Variants in FARP1 observed in about 807,000 individuals in gnomAD.
The protein encoded by FARP1 is FERM, ARHGEF and pleckstrin domain-containing protein 1.
FARP1 carries 52 observed loss-of-function variants against 128.8 expected under a neutral mutation model. The ratio of observed to expected loss-of-function variants is 0.40; its 90% CI spans 0.32 to 0.51. FARP1 has a LOEUF of 0.51. Ranked by LOEUF, FARP1 falls within the 20% of genes least tolerant of loss-of-function variation. The probability of loss-of-function intolerance (pLI) is 0.45; values close to 1 mark genes in which losing one functional copy is unlikely to be tolerated. For synonymous variants in FARP1, 580 were observed against 551.8 expected (o/e 1.05, Z -0.72); for missense variants, 1,333 against 1,367.9 (o/e 0.97, Z 0.40).
At chr13:98,253,958 G>C (rs796979078) in intron 2 of FARP1, among the ~76,000 whole-genome samples, 30 of 152,242 alleles carry the variant, frequency 2.0e-4, no homozygotes, top group African/African-American at 7.0e-4. Flanking sequence ...GGGCAGTTTT[G>C]GCTCTTCATA....
intron 5 of FARP1, among the ~76,000 whole-genome samples, chr13:98,376,094 G>A (rs552812825): frequency 6.6e-6 from 1 of 152,216 alleles, no homozygotes; most frequent in Admixed American, 6.5e-5. Flanking sequence ...GCGGGGCAGG[G>A]GGTGGTATCT....
rs140647297 is a variant in FARP1 at position 98,226,067 on chromosome 13, C to T, written c.171+12654C>T. The stretch of plus-strand genomic sequence containing the variant: ...TTGACATTTGTTGAATTATGGAGTA[C>T]GAGTTCGCTAGCACTGCTATAACAA... On this transcript the variant is annotated intron_variant, in intron 2 of 26. Coordinates refer to ENST00000319562, the MANE Select transcript of FARP1 (RefSeq NM_005766.4). 5.3e-4 allele frequency among the ~76,000 whole-genome samples: 81 copies of T among 152,274 alleles called. No individual in the cohort carries two copies. In the East Asian group the frequency reaches 0.013, roughly 25 times the overall value.
chr13:98,212,521 A>G (rs1454019575), intron 1 of FARP1, among the ~76,000 whole-genome samples: 1 of 151,338 alleles, frequency 6.6e-6, no homozygotes, highest in Non-Finnish European at 1.5e-5. Context: ...ACAAGAGTAG[A>G]CTATCTGGGG....
rs776033015 is a variant in FARP1 at position 98,246,918 on chromosome 13, T to C, written c.171+33505T>C. ...ACACAGAACCGAGGGCTGGAACTCC[T>C]GTGTTTAAGAAGGCAGCTGTTCCTT... On this transcript the variant is annotated intron_variant, in intron 2 of 26. Transcript: ENST00000319562. 4.0e-4 allele frequency among the ~76,000 whole-genome samples: 61 copies of C among 152,214 alleles called. 1 individual carries two copies. Among genetic ancestry groups the C allele is most frequent in the Admixed American group, 2.0e-4 (3 of 15,288 alleles).
intron 2 of FARP1, among the ~76,000 whole-genome samples, chr13:98,225,278 T>A (rs1258514950): frequency 1.3e-5 from 2 of 152,164 alleles, no homozygotes; most frequent in African/African-American, 4.8e-5. Context: ...TTGACTTGAT[T>A]TCAGTTGCAT....
rs535797276 is a variant in FARP1 at position 98,201,267 on chromosome 13, A to G, written c.-23-11953A>G. Among the ~76,000 whole-genome samples, 10 of 152,152 alleles carry G rather than the reference A, an allele frequency of 6.6e-5. No individual in the cohort carries two copies. The East Asian group carries it at 1.9e-3, about 29-fold the overall frequency. ...AGACCAGCCTGGCTAACATAACCAGACTCTTTCACTACAAAAATTAAAAAC... is the reference window on the plus strand; with the variant it reads ...AGACCAGCCTGGCTAACATAACCAGGCTCTTTCACTACAAAAATTAAAAAC... On this transcript the variant is annotated intron_variant, in intron 1 of 26. Transcript: ENST00000319562.
At chr13:98,425,234 T>C (rs539109528) in intron 17 of FARP1, among the ~76,000 whole-genome samples, 2 of 152,210 alleles carry the variant, frequency 1.3e-5, no homozygotes, top group South Asian at 4.2e-4. Flanking sequence ...ACAAACACTG[T>C]CTGACTGAAC....
rs538231453 is a variant in FARP1 at position 98,199,907 on chromosome 13, G to A, written c.-23-13313G>A. Among the ~76,000 whole-genome samples, 6 of 152,262 alleles carry A rather than the reference G, an allele frequency of 3.9e-5. No homozygotes were observed. The South Asian group carries it at 1.2e-3, about 32-fold the overall frequency. ...AATCATTGAGAAATTGACATCATTA[G>A]AATGGGAATGATTGGAGATTTTTTT... On this transcript the variant is annotated intron_variant, in intron 1 of 26. Coordinates refer to ENST00000319562, the MANE Select transcript of FARP1 (RefSeq NM_005766.4).
At chr13:98,401,618 T>C (rs1890773890) in intron 13 of FARP1, 1 of 151,670 alleles carries the variant, frequency 6.6e-6, no homozygotes, top group Non-Finnish European at 1.5e-5. Context: ...TTGTGCCATA[T>C]GTGTGTTTGG....
chr13:98,325,012 C>T (rs1887171335), intron 2 of FARP1, among the ~76,000 whole-genome samples: 1 of 152,090 alleles, frequency 6.6e-6, no homozygotes, highest in Non-Finnish European at 1.5e-5. Flanking sequence ...ATTTCTTGGC[C>T]AAATTGGATA....
chr13:98,236,590 G>T (rs1882433101), intron 2 of FARP1, among the ~76,000 whole-genome samples: 1 of 151,824 alleles, frequency 6.6e-6, no homozygotes, highest in African/African-American at 2.4e-5. Flanking sequence ...TCATAGCCAA[G>T]AAATAAAAAA....
chr13:98,177,327 C>G, intron 1 of FARP1: 1 of 1,060,450 alleles, frequency 9.4e-7, no homozygotes, highest in Non-Finnish European at 1.3e-6. Context: ...CCTCCCAGTT[C>G]TAAAAAGCAA....
chr13:98,293,695 C>T (rs1885544138), intron 2 of FARP1, among the ~76,000 whole-genome samples: 1 of 152,158 alleles, frequency 6.6e-6, no homozygotes, highest in East Asian at 1.9e-4. Flanking sequence ...GGCTATTGTA[C>T]TGACAAATAG....
At chr13:98,293,269 C>G (rs1458295506) in intron 2 of FARP1, among the ~76,000 whole-genome samples, 1 of 152,062 alleles carries the variant, frequency 6.6e-6, no homozygotes, top group Non-Finnish European at 1.5e-5. Context: ...TAAATATTTA[C>G]CAAGCTAAGG....
At chr13:98,431,401 A>G in intron 18 of FARP1, 121 bp downstream of exon 18, 3 of 602,722 alleles carry the variant, frequency 5.0e-6, no homozygotes, top group South Asian at 2.1e-5. Context: ...GCTGGGTCCC[A>G]GGTTTTCATC....
In FARP1 at chr13:98,176,077, G is replaced by A; in HGVS notation, c.-24+32585G>A. 8.7e-7 allele frequency: 1 copy of A among 1,154,964 alleles called. No homozygotes were observed. The highest frequency in any genetic ancestry group is 1.3e-5 in the South Asian group (1 of 76,976). 71.5% of individuals were successfully genotyped at this position (1,154,964 alleles called of 1,614,324 possible). A position where few individuals can be genotyped will look rare whatever the true frequency, so the allele number is the denominator to read the frequency against. On this transcript the variant is annotated intron_variant, in intron 1 of 26. Transcript: ENST00000319562. This position sits in a 1 kb window ranked among gnomAD's most constrained non-coding sequence, Gnocchi z 6.2. ...TCAATTCTTTTGGTTACATACTCAG[G>A]CATGGGATTGCAGGAAGACTGTCAT...
chr13:98,370,264 A>G (rs1363038741), intron 5 of FARP1, among the ~76,000 whole-genome samples: 1 of 152,202 alleles, frequency 6.6e-6, no homozygotes, highest in Non-Finnish European at 1.5e-5. Flanking sequence ...ATTCAAATAC[A>G]TAAAGGAGGG....
intron 13 of FARP1, chr13:98,397,919 A>AAAAAAAAAAAAAGAAAG (rs61501785): frequency 8.0e-6 from 1 of 124,304 alleles, no homozygotes. Context: ...AAAAAAAAAA[A>AAAAAAAAAAAAAGAAAG]GATAAATTGT....
intron 2 of FARP1, among the ~76,000 whole-genome samples, chr13:98,264,437 C>T (rs567058938): frequency 3.3e-5 from 5 of 152,162 alleles, no homozygotes; most frequent in Non-Finnish European, 4.4e-5. Context: ...CCATGCTGTC[C>T]GTGCTCCCCG....
Sources: gnomAD v4.1 joint callset for allele counts (sites outside exome capture counted in the v4.1 genomes callset) on GRCh38, gnomAD v4.1.1 for gene constraint, Gnocchi (gnomAD v3.1) non-coding constraint, MANE v1.5 for transcripts, NCBI Gene and HGNC (gene_info 2026-07-23, HGNC 2026-07-21) for gene names.